The following TDRD7 variants were observed in gnomAD, a reference collection of about 807,000 sequenced individuals.
TDRD7 encodes tudor domain containing 7, also known as tudor domain-containing protein 7.
In TDRD7, 47 loss-of-function variants were observed where a neutral mutation model predicts 109.8. The observed-to-expected ratio is 0.43, with a 90% CI of 0.34 to 0.55. The LOEUF (loss-of-function observed/expected upper bound fraction) is 0.55, where lower values mean the gene tolerates loss of function less well. TDRD7 is among the 20% of genes least tolerant of loss of function. The pLI is 0.03. For missense variants in TDRD7, 1,164 were observed against 1,319.2 expected, an observed-to-expected ratio of 0.88 and a Z score of 1.82; for synonymous variants, 424 against 457.3, an observed-to-expected ratio of 0.93 and a Z score of 0.93.
At position 97,475,445 on chromosome 9, in the gene TDRD7, C is replaced by A. The variant is rs1341966197; in HGVS notation, c.2142C>A (p.Cys714Ter). Residue 714 changes from cysteine (C) to a stop codon, truncating the protein, a stop_gained, in exon 12 of 17, where the codon TGC (cysteine) becomes TGA (stop). Transcript: ENST00000355295. LOFTEE classifies it high-confidence loss of function. The stretch of plus-strand genomic sequence containing the variant: ...GTGGGAAAATCTGCCTCTTCCATTG[C>A]AAAGGAAAATGGTTACGAGTAGAGG... The part of the protein sequence containing the change: ...PFCGKICLFH[C>*]KGKWLRVEIT... 1 of 1,613,254 alleles carries A rather than the reference C, an allele frequency of 6.2e-7. No individual in the cohort carries two copies. The highest frequency in any genetic ancestry group is 8.5e-7 in the Non-Finnish European group (1 of 1,179,498).
In TDRD7 at chr9:97,480,816, T is replaced by C. The variant is rs370483588; in HGVS notation, c.2302-12T>C. ...ATGGTGTGTTCACTTTTCCATCATA[T>C]TTTCTTTTCAGGCCATTAAGTGCTG... is the stretch of plus-strand genomic sequence containing the variant. On this transcript the variant is annotated splice_polypyrimidine_tract_variant and intron_variant, in intron 13 of 16. Coordinates refer to ENST00000355295, the MANE Select transcript of TDRD7 (RefSeq NM_014290.3). The C allele has an allele frequency of 2.1e-5, 33 of 1,608,850 alleles. No individual in the cohort carries two copies. Among genetic ancestry groups the C allele is most frequent in the Non-Finnish European group, 2.8e-5 (33 of 1,175,210 alleles).
At chr9:97,451,910 G>A (rs772788423) in intron 6 of TDRD7, among the ~76,000 whole-genome samples, 1 of 152,352 alleles carries the variant, frequency 6.6e-6, no homozygotes, top group Admixed American at 6.5e-5. Context: ...CAAGTCTTCT[G>A]TGTTGATGAT....
intron 4 of TDRD7, among the ~76,000 whole-genome samples, chr9:97,432,533 T>G (rs761896450): frequency 7.2e-5 from 11 of 152,176 alleles, no homozygotes; most frequent in Non-Finnish European, 1.5e-4. Context: ...TCAGAAAACC[T>G]TTTTTTAACG....
At chr9:97,489,425 G>A (rs1339663443) in intron 16 of TDRD7, among the ~76,000 whole-genome samples, 1 of 152,070 alleles carries the variant, frequency 6.6e-6, no homozygotes, top group African/African-American at 2.4e-5. Context: ...AACTTTCCTT[G>A]CACTGAAGTC....
At chr9:97,467,337 C>G (rs1017026509) in intron 8 of TDRD7, among the ~76,000 whole-genome samples, 1 of 152,222 alleles carries the variant, frequency 6.6e-6, no homozygotes, top group Admixed American at 6.5e-5. Context: ...ATAGGGCAGT[C>G]ACTTTCTTTC....
chr9:97,471,242 C>T (rs1828906150), intron 9 of TDRD7, among the ~76,000 whole-genome samples: 1 of 152,066 alleles, frequency 6.6e-6, no homozygotes, highest in African/African-American at 2.4e-5. Flanking sequence ...TGGTCATGTC[C>T]GTGATAAGGA....
chr9:97,471,396 C>T (rs931851206), intron 9 of TDRD7, among the ~76,000 whole-genome samples: 13 of 152,134 alleles, frequency 8.5e-5, no homozygotes, highest in African/African-American at 3.1e-4. Context: ...CTGGGTTTGA[C>T]TCTTATCTGT....
At chr9:97,457,386 A>T (rs917150785) in intron 6 of TDRD7, among the ~76,000 whole-genome samples, 12 of 150,680 alleles carry the variant, frequency 8.0e-5, no homozygotes, top group South Asian at 2.1e-4. Flanking sequence ...ATATATATAT[A>T]TTTTTTTTTT....
intron 6 of TDRD7, among the ~76,000 whole-genome samples, chr9:97,450,620 C>G (rs2118425025): frequency 6.6e-6 from 1 of 151,840 alleles, no homozygotes; most frequent in South Asian, 2.1e-4. Context: ...GAATGGACAC[C>G]ACACTGTCCA....
intron 2 of TDRD7, among the ~76,000 whole-genome samples, 188 bp downstream of exon 2, chr9:97,428,860 A>C (rs1828052892): frequency 6.6e-6 from 1 of 152,230 alleles, no homozygotes; most frequent in South Asian, 2.1e-4. Flanking sequence ...CTTATTCCTC[A>C]AATTCTTTTC....
intron 14 of TDRD7, among the ~76,000 whole-genome samples, chr9:97,482,516 T>G (rs933659857): frequency 2.0e-5 from 3 of 152,350 alleles, no homozygotes; most frequent in Non-Finnish European, 4.4e-5. Context: ...ACTTTAAGTG[T>G]TTCGAAATAT....
chr9:97,464,249 C>T (rs1039763765), intron 7 of TDRD7, among the ~76,000 whole-genome samples: 1 of 152,296 alleles, frequency 6.6e-6, no homozygotes, highest in East Asian at 1.9e-4. Context: ...TCGCTGCTTC[C>T]TGTTATGCCC....
chr9:97,491,863 C>G (rs1829314246), intron 16 of TDRD7, among the ~76,000 whole-genome samples: 1 of 152,206 alleles, frequency 6.6e-6, no homozygotes, highest in East Asian at 1.9e-4. Flanking sequence ...GGAGATTTTT[C>G]CCTGATATTC....
At chr9:97,422,724 A>G (rs1286414794) in intron 1 of TDRD7, among the ~76,000 whole-genome samples, 1 of 145,932 alleles carries the variant, frequency 6.9e-6, no homozygotes, top group African/African-American at 2.4e-5. Context: ...ATATTCTGAG[A>G]GTTTTTTATC....
At chr9:97,473,021 T>C (rs1015718808) in intron 10 of TDRD7, among the ~76,000 whole-genome samples, 1 of 152,194 alleles carries the variant, frequency 6.6e-6, no homozygotes, top group Non-Finnish European at 1.5e-5. Flanking sequence ...ATGGGTAAAA[T>C]TGAATATTTA....
At chr9:97,432,319 A>C in intron 4 of TDRD7, 81 bp downstream of exon 4, 2 of 1,259,632 alleles carry the variant, frequency 1.6e-6, no homozygotes, top group Non-Finnish European at 2.3e-6. Flanking sequence ...TAAGAAAGAA[A>C]CACTTTCTAT....
At chr9:97,424,621 CA>C (rs1383737287) in intron 1 of TDRD7, among the ~76,000 whole-genome samples, 2 of 152,140 alleles carry the variant, frequency 1.3e-5, no homozygotes, top group African/African-American at 4.8e-5. Flanking sequence ...TTTATACAGT[CA>C]TAGTGTTTGC....
At chr9:97,471,908 A>G (rs893802240) in intron 9 of TDRD7, among the ~76,000 whole-genome samples, 3 of 152,202 alleles carry the variant, frequency 2.0e-5, no homozygotes, top group Non-Finnish European at 2.9e-5. Flanking sequence ...ATAATTGTAT[A>G]TATGTAGGAA....
intron 7 of TDRD7, among the ~76,000 whole-genome samples, chr9:97,462,126 T>G (rs187756021): frequency 6.6e-6 from 1 of 152,182 alleles, no homozygotes; most frequent in Non-Finnish European, 1.5e-5. Flanking sequence ...AGGAAAGATA[T>G]TGAAGGCCAC....
Sources: allele counts gnomAD v4.1 joint callset (sites outside exome capture counted in the v4.1 genomes callset), GRCh38; gene constraint gnomAD v4.1.1; transcripts MANE v1.5; gene names NCBI Gene and HGNC (gene_info 2026-07-23, HGNC 2026-07-21).